Variants in ITGBL1 observed in about 807,000 individuals in gnomAD.
The protein encoded by ITGBL1 is integrin subunit beta like 1.
Under a neutral mutation model 68.5 loss-of-function variants are expected in ITGBL1, and 51 were observed. The observed-to-expected ratio is 0.74, with a 90% CI of 0.59 to 0.94. The LOEUF (loss-of-function observed/expected upper bound fraction) is 0.94, where lower values mean the gene tolerates loss of function less well. ITGBL1 is among the 40% of genes least tolerant of loss of function. ITGBL1 has a pLI of 0.00. For synonymous variants in ITGBL1, 209 were observed against 227.3 expected (o/e 0.92, Z 0.72); for missense variants, 649 against 647.4 (o/e 1.00, Z -0.03).
At chr13:101,617,832 G>T (rs2031426406) in intron 7 of ITGBL1, among the ~76,000 whole-genome samples, 1 of 152,126 alleles carries the variant, frequency 6.6e-6, no homozygotes, top group African/African-American at 2.4e-5. Flanking sequence ...GACAATTTCA[G>T]TGTGGCAGAG....
At chr13:101,579,111 A>G (rs564071385) in intron 4 of ITGBL1, among the ~76,000 whole-genome samples, 176 bp from the exon 5 acceptor site, 10 of 152,364 alleles carry the variant, frequency 6.6e-5, no homozygotes, top group South Asian at 2.1e-4. Flanking sequence ...TTAAGCAGGT[A>G]TAGGCACAAC....
intron 7 of ITGBL1, among the ~76,000 whole-genome samples, chr13:101,666,258 C>A (rs569854958): frequency 6.6e-6 from 1 of 152,248 alleles, no homozygotes; most frequent in African/African-American, 2.4e-5. Flanking sequence ...CCTTTGTACT[C>A]TCTGCTTCCA....
chr13:101,453,996 G>A lies in ITGBL1; in HGVS notation c.212G>A (p.Cys71Tyr). The A allele has an allele frequency of 6.4e-7, 1 of 1,561,660 alleles. No homozygotes were observed. The highest frequency in any genetic ancestry group is 8.7e-7 in the Non-Finnish European group (1 of 1,153,804). Reference protein sequence around the residue: ...ALCHGRGRCDCGVCICHVTEP... With the variant: ...ALCHGRGRCDYGVCICHVTEP... ...TGCCACGGCCGGGGCCGCTGCGACT[G>A]CGGCGTCTGCATCTGCCACGTGACT... Residue 71 changes from cysteine to tyrosine, a missense_variant, in exon 2 of 11, where the codon TGC (cysteine) becomes TAC (tyrosine). Physicochemically the swap from Cys to Tyr is radical, Grantham distance 194. Transcript: ENST00000376180.
chr13:101,659,565 T>G (rs930761654), intron 7 of ITGBL1, among the ~76,000 whole-genome samples: 1 of 152,322 alleles, frequency 6.6e-6, no homozygotes, highest in Middle Eastern at 3.4e-3. Flanking sequence ...TACTTTAAGC[T>G]TGATTAATTG....
intron 7 of ITGBL1, among the ~76,000 whole-genome samples, chr13:101,664,610 A>G (rs924452053): frequency 6.6e-6 from 1 of 152,176 alleles, no homozygotes; most frequent in Non-Finnish European, 1.5e-5. Flanking sequence ...AACTTTTTTC[A>G]CTGCACTGTA....
At position 101,579,439 on chromosome 13, in the gene ITGBL1, A is replaced by G. The variant is rs781720708; in HGVS notation, c.727+12A>G. On this transcript the variant is annotated intron_variant, in intron 5 of 10. Transcript: ENST00000376180. Reference sequence around the variant, plus strand: ...CTGCAGTAACAGAGGTGTGTCATTCATACATGTTACTACATAATGGGGAGG... The same window carrying G: ...CTGCAGTAACAGAGGTGTGTCATTCGTACATGTTACTACATAATGGGGAGG... 5.0e-6 allele frequency: 8 copies of G among 1,613,102 alleles called. No homozygotes were observed. Among genetic ancestry groups the G allele is most frequent in the South Asian group, 1.1e-5 (1 of 91,004 alleles).
At chr13:101,592,128 C>T (rs182115414) in intron 6 of ITGBL1, among the ~76,000 whole-genome samples, 9 of 152,186 alleles carry the variant, frequency 5.9e-5, no homozygotes. Flanking sequence ...TAATGTAGGT[C>T]GATTTTTGCT....
chr13:101,464,359 TGCCCATCCATG>T (rs2139629201), intron 2 of ITGBL1, among the ~76,000 whole-genome samples: 1 of 152,300 alleles, frequency 6.6e-6, no homozygotes, highest in Non-Finnish European at 1.5e-5. Flanking sequence ...TCTCATTTTT[TGCCCATCCATG>T]GCCTCTAAAA....
At chr13:101,674,194 G>A (rs112399300) in intron 7 of ITGBL1, among the ~76,000 whole-genome samples, 2 of 152,126 alleles carry the variant, frequency 1.3e-5, no homozygotes, top group Non-Finnish European at 2.9e-5. Context: ...ACACACACTC[G>A]CGTGCATGCA....
intron 7 of ITGBL1, among the ~76,000 whole-genome samples, chr13:101,687,112 C>A (rs1333837751): frequency 6.6e-6 from 1 of 151,950 alleles, no homozygotes; most frequent in African/African-American, 2.4e-5. Context: ...GTGATATAAT[C>A]ATTCCTCCAC....
In ITGBL1 at chr13:101,579,489, ACTT is replaced by A. The variant is rs1297487136; in HGVS notation, c.727+66_727+68del. 10 of 1,529,848 alleles carry A rather than the reference ACTT, an allele frequency of 6.5e-6. No individual in the cohort carries two copies. In the East Asian group the frequency reaches 2.4e-4, roughly 36 times the overall value. 94.8% of individuals were successfully genotyped at this position (1,529,848 alleles called of 1,614,324 possible). On this transcript the variant is annotated intron_variant, in intron 5 of 10. Coordinates refer to ENST00000376180, the MANE Select transcript of ITGBL1 (RefSeq NM_004791.3). Reference sequence around the variant, plus strand: ...GCAAACAAAGCTTTTAATTGTTAACACTTCTTTTCTTTGTATTTCCTCTAGTGT... The same window carrying A: ...GCAAACAAAGCTTTTAATTGTTAACACTTTTCTTTGTATTTCCTCTAGTGT...
intron 7 of ITGBL1, among the ~76,000 whole-genome samples, chr13:101,669,053 T>G (rs1282444309): frequency 6.6e-6 from 1 of 152,098 alleles, no homozygotes; most frequent in African/African-American, 2.4e-5. Flanking sequence ...GTTAAACCTT[T>G]TAATTAATAT....
At chr13:101,626,568 G>A (rs1025722465) in intron 7 of ITGBL1, among the ~76,000 whole-genome samples, 25 of 152,000 alleles carry the variant, frequency 1.6e-4, no homozygotes, top group Non-Finnish European at 2.8e-4. Context: ...ACCTTTATCT[G>A]CATTGCTTTG....
At chr13:101,656,317 C>A (rs1566778315) in intron 7 of ITGBL1, among the ~76,000 whole-genome samples, 1 of 152,134 alleles carries the variant, frequency 6.6e-6, no homozygotes, top group African/African-American at 2.4e-5. Flanking sequence ...AGAAAAAGAT[C>A]TAGCTGTTAG....
intron 8 of ITGBL1, among the ~76,000 whole-genome samples, chr13:101,698,476 A>G (rs2034054030): frequency 6.6e-6 from 1 of 152,248 alleles, no homozygotes; most frequent in South Asian, 2.1e-4. Flanking sequence ...CACCAAAATT[A>G]CAACCTGGAA....
At position 101,460,461 on chromosome 13, in the gene ITGBL1, A is replaced by C. The variant is rs566469772; in HGVS notation, c.316+6361A>C. ...TTTCTTACATTCATCTGTGTTCGATAAATGCATATTGTCTTAGCCCAAGTG... is the reference window on the plus strand; with the variant it reads ...TTTCTTACATTCATCTGTGTTCGATCAATGCATATTGTCTTAGCCCAAGTG... On this transcript the variant is annotated intron_variant, in intron 2 of 10. Transcript: ENST00000376180. Among the ~76,000 whole-genome samples, 7 of 152,352 alleles carry C rather than the reference A, an allele frequency of 4.6e-5. No individual in the cohort carries two copies. In the South Asian group the frequency reaches 1.4e-3, roughly 32 times the overall value.
chr13:101,642,527 G>A (rs557804360), intron 7 of ITGBL1, among the ~76,000 whole-genome samples: 15 of 152,308 alleles, frequency 9.8e-5, no homozygotes, highest in Admixed American at 9.8e-4. Flanking sequence ...TGTTCACTCT[G>A]ATGTTAGTGT....
intron 2 of ITGBL1, among the ~76,000 whole-genome samples, chr13:101,483,367 G>T (rs2048654695): frequency 6.6e-6 from 1 of 152,118 alleles, no homozygotes; most frequent in African/African-American, 2.4e-5. Context: ...GCCACAAGAA[G>T]GACAAGAAGA....
intron 7 of ITGBL1, among the ~76,000 whole-genome samples, chr13:101,600,649 G>A (rs1312386241): frequency 6.6e-6 from 1 of 151,872 alleles, no homozygotes; most frequent in East Asian, 1.9e-4. Flanking sequence ...TAGCATGAAG[G>A]GTTGTTGAAT....
Sources: allele counts gnomAD v4.1 joint callset (sites outside exome capture counted in the v4.1 genomes callset), GRCh38; gene constraint gnomAD v4.1.1; transcripts MANE v1.5; gene names NCBI Gene and HGNC (gene_info 2026-07-23, HGNC 2026-07-21).